Variants in SH3YL1 observed in about 807,000 individuals in gnomAD.
The protein encoded by SH3YL1 is SH3 and SYLF domain containing 1.
SH3YL1 carries 41 observed loss-of-function variants against 45.8 expected under a neutral mutation model. The ratio of observed to expected loss-of-function variants is 0.89; its 90% CI spans 0.70 to 1.16. The LOEUF (loss-of-function observed/expected upper bound fraction) is 1.16. Ranked by LOEUF, SH3YL1 falls within the 50% of genes most tolerant of loss-of-function variation. SH3YL1 has a pLI of 0.00. For synonymous variants in SH3YL1, 152 were observed against 151.4 expected (o/e 1.00, Z -0.03); for missense variants, 389 against 409.6 (o/e 0.95, Z 0.43).
intron 9 of SH3YL1, chr2:222,583 G>A (rs1474426269): frequency 1.3e-5 from 2 of 152,234 alleles, no homozygotes; most frequent in Non-Finnish European, 2.9e-5. Context: ...GCTGACGCTG[G>A]AGGGTCCAAG....
intron 4 of SH3YL1, among the ~76,000 whole-genome samples, chr2:246,814 A>C (rs1370997216): frequency 6.6e-6 from 1 of 152,222 alleles, no homozygotes; most frequent in Non-Finnish European, 1.5e-5. Flanking sequence ...AAAGATGAAA[A>C]AAGAGTTAGA....
At position 218,157 on chromosome 2, in the gene SH3YL1, C is replaced by T. The variant is rs976197947; in HGVS notation, c.*654G>A. ...AAAATTGAAATATTAACTTAGTAAA[C>T]ATTTAAAAATTTTATTTAGAGACAA... On this transcript the variant is annotated 3_prime_UTR_variant, in exon 10 of 10. Transcript: ENST00000356150. 11 of 152,014 alleles carry T rather than the reference C, an allele frequency of 7.2e-5. No individual in the cohort carries two copies. The highest frequency in any genetic ancestry group is 1.6e-4 in the Non-Finnish European group (11 of 67,998). The allele number at this position is 152,014 out of a possible 1,614,324, so 9.4% of individuals were successfully genotyped here. A position where few individuals can be genotyped will look rare whatever the true frequency, so the allele number is the denominator to read the frequency against.
At position 241,734 on chromosome 2, in the gene SH3YL1, T is replaced by A. The variant is rs921772671; in HGVS notation, c.291+5804A>T. 4 of 152,134 alleles carry A rather than the reference T, an allele frequency of 2.6e-5. No homozygotes were observed. The South Asian group carries it at 6.2e-4, about 24-fold the overall frequency. The allele number at this position is 152,134 out of a possible 1,614,324, so 9.4% of individuals were successfully genotyped here. ...AAAAACAGTAGACTTCAGAAAACAG[T>A]AGGATGACAAAATGCTGAAAGAAAG... is the stretch of plus-strand genomic sequence containing the variant. On this transcript the variant is annotated intron_variant, in intron 4 of 9. Coordinates refer to ENST00000356150, the MANE Select transcript of SH3YL1 (RefSeq NM_015677.4).
At chr2:252,925 A>T in intron 2 of SH3YL1, 80 bp downstream of exon 2, 1 of 819,960 alleles carries the variant, frequency 1.2e-6, no homozygotes, top group Non-Finnish European at 1.9e-6. Context: ...CTTCTGCCTG[A>T]AATGGAGTGT....
intron 1 of SH3YL1, 123 bp from the exon 2 acceptor site, chr2:253,238 T>G (rs1258195263): frequency 3.2e-6 from 2 of 615,642 alleles, no homozygotes; most frequent in African/African-American, 3.7e-5. Flanking sequence ...GACTCCATTT[T>G]GAATAGGAGC....
chr2:260,002 G>A (rs556820680), intron 1 of SH3YL1: 11 of 151,678 alleles, frequency 7.3e-5, no homozygotes, highest in Non-Finnish European at 1.2e-4. Flanking sequence ...TTTGTACAAC[G>A]TACAAATACA....
chr2:247,689 A>C, intron 3 of SH3YL1, 87 bp from the exon 4 acceptor site: 1 of 979,058 alleles, frequency 1.0e-6, no homozygotes, highest in Non-Finnish European at 1.5e-6. Context: ...AAATCTAAAG[A>C]GTGCTTCTAT....
In SH3YL1 at chr2:218,788, C is replaced by T. The variant is rs1448958423; in HGVS notation, c.*23G>A. Reference sequence around the variant, plus strand: ...GTAGAAATAATTTTTTTGTAATTCTCAAAGAAGAAAATAGTATACGCTTTA... The same window carrying T: ...GTAGAAATAATTTTTTTGTAATTCTTAAAGAAGAAAATAGTATACGCTTTA... On this transcript the variant is annotated 3_prime_UTR_variant, in exon 10 of 10. Transcript: ENST00000356150. 2 of 1,516,294 alleles carry T rather than the reference C, an allele frequency of 1.3e-6. No homozygotes were observed. Among genetic ancestry groups the T allele is most frequent in the Admixed American group, 2.0e-5 (1 of 49,686 alleles). The allele number at this position is 1,516,294 out of a possible 1,614,324, so 93.9% of individuals were successfully genotyped here. A position where few individuals can be genotyped will look rare whatever the true frequency, so the allele number is the denominator to read the frequency against.
In SH3YL1 at chr2:263,969, TC is replaced by T; in HGVS notation, c.1+14del. The T allele has an allele frequency of 1.3e-6, 2 of 1,502,956 alleles. No individual in the cohort carries two copies. Among genetic ancestry groups the T allele is most frequent in the Non-Finnish European group, 1.8e-6 (2 of 1,122,608 alleles). 93.1% of individuals were successfully genotyped at this position (1,502,956 alleles called of 1,614,324 possible). A position where few individuals can be genotyped will look rare whatever the true frequency, so the allele number is the denominator to read the frequency against. ...GGGAGGGTGCTGCCGGACAGGTGGG[TC>T]CCCGGGTACTCACTGCTGCCCGCCC... On this transcript the variant is annotated intron_variant, in intron 1 of 9. Coordinates refer to ENST00000356150, the MANE Select transcript of SH3YL1 (RefSeq NM_015677.4).
rs114473361 is a variant in SH3YL1 at position 243,056 on chromosome 2, T to C, written c.291+4482A>G. 1.5e-3 allele frequency among the ~76,000 whole-genome samples: 233 copies of C among 152,292 alleles called. 1 individual carries two copies. The highest frequency in any genetic ancestry group is 6.8e-3 in the Middle Eastern group (2 of 294). ...AAACTGACAATCTAGAAGGAAGACA[T>C]AGACAATTTAACAAAAATAGCTCGA... On this transcript the variant is annotated intron_variant, in intron 4 of 9. Coordinates refer to ENST00000356150, the MANE Select transcript of SH3YL1 (RefSeq NM_015677.4).
chr2:226,528 C>T (rs542336743), intron 8 of SH3YL1, among the ~76,000 whole-genome samples: 63 of 152,244 alleles, frequency 4.1e-4, no homozygotes, highest in African/African-American at 1.4e-3. Context: ...TAGATGCTTC[C>T]GCACTAATAG....
chr2:253,331 G>A (rs905493872), intron 1 of SH3YL1, among the ~76,000 whole-genome samples: 6 of 152,132 alleles, frequency 3.9e-5, no homozygotes, highest in Non-Finnish European at 7.4e-5. Flanking sequence ...CAGGAGGTCC[G>A]CACAAGATAC....
At chr2:237,589 C>T (rs1409790116) in intron 4 of SH3YL1, among the ~76,000 whole-genome samples, 1 of 151,896 alleles carries the variant, frequency 6.6e-6, no homozygotes, top group South Asian at 2.1e-4. Context: ...ACAGTCTGAT[C>T]GAAGAAATAA....
chr2:243,242 T>TG (rs141471520), intron 4 of SH3YL1, among the ~76,000 whole-genome samples: 175 of 152,228 alleles, frequency 1.1e-3, no homozygotes, highest in African/African-American at 4.1e-3. Flanking sequence ...CCAGCACACA[T>TG]GGAACATTGT....
intron 6 of SH3YL1, 30 bp from the exon 7 acceptor site, chr2:231,221 T>C: frequency 6.6e-7 from 1 of 1,511,068 alleles, no homozygotes; most frequent in South Asian, 1.2e-5. Flanking sequence ...TAAAAACATT[T>C]TAATATACAC....
chr2:224,319 AG>A (rs1453707027), intron 9 of SH3YL1, among the ~76,000 whole-genome samples: 34 of 152,358 alleles, frequency 2.2e-4, no homozygotes, highest in Admixed American at 1.8e-3. Context: ...AGTAGTTTCC[AG>A]TAATAACAAA....
intron 4 of SH3YL1, among the ~76,000 whole-genome samples, chr2:243,908 G>T (rs186409856): frequency 9.2e-5 from 14 of 152,308 alleles, no homozygotes; most frequent in Admixed American, 7.2e-4. Flanking sequence ...ATGTTACAGT[G>T]AGGTGGGCTT....
intron 7 of SH3YL1, chr2:230,818 G>A: frequency 1.8e-6 from 1 of 563,616 alleles, no homozygotes; most frequent in South Asian, 2.1e-5. Context: ...TTGGAGAAAT[G>A]CAATCACAGA....
chr2:225,589 A>C (rs751794540), intron 8 of SH3YL1, among the ~76,000 whole-genome samples: 2 of 152,276 alleles, frequency 1.3e-5, no homozygotes, highest in Non-Finnish European at 2.9e-5. Flanking sequence ...GACATTTATG[A>C]AAGTCAGAAT....
Sources: allele counts gnomAD v4.1 joint callset (sites outside exome capture counted in the v4.1 genomes callset), GRCh38; gene constraint gnomAD v4.1.1; transcripts MANE v1.5; gene names NCBI Gene and HGNC (gene_info 2026-07-23, HGNC 2026-07-21).